Variants in TRIM9 observed in about 807,000 individuals in gnomAD.
TRIM9 encodes E3 ubiquitin-protein ligase TRIM9.
A neutral mutation model predicts 78.3 loss-of-function variants in TRIM9; 26 were observed. The ratio of observed to expected loss-of-function variants is 0.33; its 90% CI spans 0.24 to 0.46. The LOEUF (loss-of-function observed/expected upper bound fraction) is 0.46, where lower values mean the gene tolerates loss of function less well. TRIM9 is among the 20% of genes least tolerant of loss of function. TRIM9 has a pLI of 1.00. For missense variants in TRIM9, 787 were observed against 1,036.4 expected, an observed-to-expected ratio of 0.76 and a Z score of 3.30; for synonymous variants, 398 against 416.5, an observed-to-expected ratio of 0.96 and a Z score of 0.54.
At position 51,091,129 on chromosome 14, in the gene TRIM9, CATTATTATT is replaced by C. The variant is rs375254437; in HGVS notation, c.822+2980_822+2988del. The C allele has an allele frequency of 3.3e-5, 5 of 151,536 alleles. 1 individual carries two copies. The South Asian group carries it at 8.3e-4, about 25-fold the overall frequency. 9.4% of individuals were successfully genotyped at this position (151,536 alleles called of 1,614,324 possible). ...CTACCAAATATTTGACTTATAAGAC[CATTATTATT>C]ATTATTATTATTCATGTGTTATTAT... On this transcript the variant is annotated intron_variant, in intron 1 of 12. Transcript: ENST00000684578.
At chr14:51,009,589 C>A in intron 4 of TRIM9, among the ~76,000 whole-genome samples, 1 of 152,188 alleles carries the variant, frequency 6.6e-6, no homozygotes, top group East Asian at 1.9e-4. Flanking sequence ...GAATCAATAG[C>A]TCAACCCTTC....
At chr14:51,063,590 T>A (rs2061510543) in intron 1 of TRIM9, among the ~76,000 whole-genome samples, 1 of 151,874 alleles carries the variant, frequency 6.6e-6, no homozygotes, top group Non-Finnish European at 1.5e-5. Context: ...TATTATGAAA[T>A]TAGTCACAAA....
At chr14:51,093,330 A>G (rs1223029268) in intron 1 of TRIM9, among the ~76,000 whole-genome samples, 1 of 152,224 alleles carries the variant, frequency 6.6e-6, no homozygotes, top group Non-Finnish European at 1.5e-5. Context: ...TGAATTCCGG[A>G]GAAGTGGGTG....
At chr14:51,062,368 A>G (rs1285132466) in intron 1 of TRIM9, among the ~76,000 whole-genome samples, 1 of 152,164 alleles carries the variant, frequency 6.6e-6, no homozygotes, top group Non-Finnish European at 1.5e-5. Flanking sequence ...ATGTCTCACA[A>G]CTTTTTATTG....
chr14:51,074,937 T>C (rs2062626164), intron 1 of TRIM9, among the ~76,000 whole-genome samples: 1 of 152,168 alleles, frequency 6.6e-6, no homozygotes, highest in Non-Finnish European at 1.5e-5. Context: ...AAGCCCCAAT[T>C]GAGAAGCTTG....
intron 5 of TRIM9, among the ~76,000 whole-genome samples, chr14:51,002,462 A>T (rs1474571845): frequency 6.6e-6 from 1 of 152,104 alleles, no homozygotes; most frequent in East Asian, 1.9e-4. Flanking sequence ...AGCTGCTTAA[A>T]AATTTTTTTT....
chr14:51,022,653 A>G (rs2057864392), intron 3 of TRIM9, among the ~76,000 whole-genome samples, 182 bp downstream of exon 3: 1 of 152,190 alleles, frequency 6.6e-6, no homozygotes, highest in South Asian at 2.1e-4. Flanking sequence ...ATTTGGGTAA[A>G]TGAAGGAGCA....
chr14:51,055,159 T>C (rs2060802910), intron 1 of TRIM9, among the ~76,000 whole-genome samples: 1 of 152,246 alleles, frequency 6.6e-6, no homozygotes, highest in South Asian at 2.1e-4. Flanking sequence ...TTTATTACTT[T>C]GAAGTTATGA....
At chr14:50,996,754 T>G (rs2054259439) in intron 7 of TRIM9, 2 of 985,302 alleles carry the variant, frequency 2.0e-6, no homozygotes, top group Admixed American at 6.2e-5. Flanking sequence ...GCTAAAATGA[T>G]AATTCTGGGG....
intron 7 of TRIM9, chr14:50,996,606 G>A: frequency 4.1e-6 from 4 of 985,404 alleles, no homozygotes; most frequent in Non-Finnish European, 4.8e-6. Flanking sequence ...GTACACACAT[G>A]GGAAATGAGG....
chr14:51,001,490 A>G (rs1205948747), intron 5 of TRIM9, among the ~76,000 whole-genome samples: 2 of 151,628 alleles, frequency 1.3e-5, no homozygotes, highest in Non-Finnish European at 2.9e-5. Context: ...CTGCCTCCCA[A>G]AGTGCTGGGA....
chr14:50,986,604 A>G (rs769031009), intron 7 of TRIM9, among the ~76,000 whole-genome samples: 11 of 152,046 alleles, frequency 7.2e-5, no homozygotes, highest in Non-Finnish European at 1.2e-4. Flanking sequence ...TTCCTATTCC[A>G]TATTTTCCCA....
chr14:50,982,213 T>G, intron 10 of TRIM9, 110 bp from the exon 11 acceptor site: 1 of 1,354,810 alleles, frequency 7.4e-7, no homozygotes. Context: ...CATGCTGCCA[T>G]GCAGGAAGGA....
At chr14:51,001,655 T>A (rs1159767532) in intron 5 of TRIM9, among the ~76,000 whole-genome samples, 5 of 152,216 alleles carry the variant, frequency 3.3e-5, no homozygotes, top group African/African-American at 4.8e-5. Flanking sequence ...CATTTTTTTT[T>A]AAAACCAGTG....
intron 7 of TRIM9, among the ~76,000 whole-genome samples, chr14:50,992,391 A>C (rs939838453): frequency 6.6e-6 from 1 of 151,570 alleles, no homozygotes; most frequent in Non-Finnish European, 1.5e-5. Context: ...CGGGCTGGGC[A>C]ACATAGTGAG....
In TRIM9 at chr14:50,982,592, G is replaced by T. The variant is rs116966185; in HGVS notation, c.1858+350C>A. The stretch of plus-strand genomic sequence containing the variant: ...ATCTAGTCGCTTTGAAGTCTTCCTC[G>T]GCTCTAGTGAAAGCTCACAAGCTGC... On this transcript the variant is annotated intron_variant, in intron 10 of 12. Coordinates refer to ENST00000684578, the MANE Select transcript of TRIM9 (RefSeq NM_001387360.1). 2.9e-3 allele frequency: 952 copies of T among 331,946 alleles called. 14 individuals are homozygous for T. In the East Asian group the frequency reaches 0.033, roughly 12 times the overall value. The allele number at this position is 331,946 out of a possible 1,614,324, so 20.6% of individuals were successfully genotyped here. A position where few individuals can be genotyped will look rare whatever the true frequency, so the allele number is the denominator to read the frequency against.
At chr14:51,092,290 T>C (rs2064426235) in intron 1 of TRIM9, among the ~76,000 whole-genome samples, 2 of 152,230 alleles carry the variant, frequency 1.3e-5, no homozygotes, top group Non-Finnish European at 2.9e-5. Flanking sequence ...CCATCAGTAC[T>C]AATATGATTT....
At chr14:51,050,032 A>G (rs2060270604) in intron 1 of TRIM9, among the ~76,000 whole-genome samples, 2 of 152,086 alleles carry the variant, frequency 1.3e-5, no homozygotes, top group African/African-American at 4.8e-5. Flanking sequence ...GAAGTAAACG[A>G]TGCAGAGCCG....
intron 1 of TRIM9, among the ~76,000 whole-genome samples, chr14:51,062,366 C>T (rs2061417205): frequency 6.6e-6 from 1 of 152,098 alleles, no homozygotes; most frequent in Admixed American, 6.6e-5. Flanking sequence ...GTATGTCTCA[C>T]AACTTTTTAT....
Sources: gnomAD v4.1 joint callset for allele counts (sites outside exome capture counted in the v4.1 genomes callset) on GRCh38, gnomAD v4.1.1 for gene constraint, MANE v1.5 for transcripts, NCBI Gene and HGNC (gene_info 2026-07-23, HGNC 2026-07-21) for gene names.